Variants in RORA observed in about 807,000 individuals in gnomAD.
The protein encoded by RORA is nuclear receptor ROR-alpha.
Under a neutral mutation model 69.5 loss-of-function variants are expected in RORA, and 7 were observed. The ratio of observed to expected loss-of-function variants is 0.10; its 90% CI spans 0.06 to 0.19. The LOEUF is 0.19. RORA is among the 10% of genes least tolerant of loss of function. The probability of loss-of-function intolerance (pLI) is 1.00; values close to 1 mark genes in which losing one functional copy is unlikely to be tolerated. For missense variants in RORA, 457 were observed against 663.0 expected (o/e 0.69, Z 3.41); for synonymous variants, 261 against 240.8 (o/e 1.08, Z -0.78).
intron 1 of RORA, among the ~76,000 whole-genome samples, chr15:60,824,841 T>A (rs1244401753): frequency 6.6e-6 from 1 of 152,126 alleles, no homozygotes; most frequent in African/African-American, 2.4e-5. Flanking sequence ...AAAGACCACC[T>A]AAAATGAACT....
intron 1 of RORA, among the ~76,000 whole-genome samples, chr15:60,758,579 C>T (rs2071836037): frequency 6.6e-6 from 1 of 152,156 alleles, no homozygotes; most frequent in African/African-American, 2.4e-5. Context: ...TTTTCCTCTT[C>T]ACCTCCATGG....
intron 1 of RORA, among the ~76,000 whole-genome samples, chr15:61,139,004 C>T (rs1029136911): frequency 1.3e-5 from 2 of 151,832 alleles, no homozygotes; most frequent in African/African-American, 2.4e-5. Flanking sequence ...ATTAGCCAGG[C>T]GTGGTGGCGG....
intron 2 of RORA, among the ~76,000 whole-genome samples, chr15:60,585,074 T>C (rs2140497059): frequency 1.3e-5 from 2 of 152,092 alleles, no homozygotes; most frequent in Middle Eastern, 6.8e-3. Flanking sequence ...CTGGTTATTC[T>C]AGCTCAGATC....
At chr15:60,540,038 TAA>T (rs1166795606) in intron 2 of RORA, among the ~76,000 whole-genome samples, 12 of 152,238 alleles carry the variant, frequency 7.9e-5, no homozygotes, top group African/African-American at 2.9e-4. Context: ...TTTATTTTGC[TAA>T]GTGATTAGAC....
chr15:60,669,319 C>G (rs796186087), intron 2 of RORA, among the ~76,000 whole-genome samples: 2 of 138,740 alleles, frequency 1.4e-5, no homozygotes, highest in African/African-American at 2.7e-5. Flanking sequence ...GACCAGATCT[C>G]TCCTTCCCAA....
At chr15:61,175,646 G>C (rs1348754747) in intron 1 of RORA, among the ~76,000 whole-genome samples, 1 of 151,696 alleles carries the variant, frequency 6.6e-6, no homozygotes, top group Non-Finnish European at 1.5e-5. Flanking sequence ...GAGCCCGGGA[G>C]GTTGAGGCTG....
At chr15:60,668,729 AAG>A (rs1170105083) in intron 2 of RORA, among the ~76,000 whole-genome samples, 3 of 152,254 alleles carry the variant, frequency 2.0e-5, no homozygotes, top group Non-Finnish European at 4.4e-5. Flanking sequence ...GTGTAAGAGA[AAG>A]AGAGATAAAT....
chr15:60,873,492 CA>C (rs1188469793), intron 1 of RORA, among the ~76,000 whole-genome samples: 4 of 152,056 alleles, frequency 2.6e-5, no homozygotes, highest in Non-Finnish European at 5.9e-5. Flanking sequence ...CAAATACATT[CA>C]TATAACTTGT....
At chr15:61,013,046 G>T (rs1359333461) in intron 1 of RORA, among the ~76,000 whole-genome samples, 6 of 152,104 alleles carry the variant, frequency 3.9e-5, no homozygotes, top group Non-Finnish European at 8.8e-5. Context: ...ATCTTTCTGG[G>T]TACATGTCTT....
chr15:61,124,471 C>T (rs919235170), intron 1 of RORA, among the ~76,000 whole-genome samples: 1 of 152,170 alleles, frequency 6.6e-6, no homozygotes, highest in Admixed American at 6.5e-5. Flanking sequence ...TGTTGCTTCT[C>T]ATCAGGAAGC....
chr15:60,614,684 G>A (rs976770915), intron 2 of RORA, among the ~76,000 whole-genome samples: 9 of 152,166 alleles, frequency 5.9e-5, no homozygotes, highest in African/African-American at 2.2e-4. Flanking sequence ...GACAGAATAA[G>A]GTTCAAGCCC....
At chr15:61,080,348 T>G (rs150466891) in intron 1 of RORA, among the ~76,000 whole-genome samples, 1 of 152,150 alleles carries the variant, frequency 6.6e-6, no homozygotes, top group African/African-American at 2.4e-5. Context: ...CCTTTGAGAG[T>G]TCCTATTTTC....
chr15:60,562,905 C>T (rs960707348), intron 2 of RORA, among the ~76,000 whole-genome samples: 2 of 152,150 alleles, frequency 1.3e-5, no homozygotes, highest in Admixed American at 1.3e-4. Context: ...AATATAAATT[C>T]TTGGTAAACA....
At chr15:60,926,952 G>A (rs563269676) in intron 1 of RORA, among the ~76,000 whole-genome samples, 1 of 152,196 alleles carries the variant, frequency 6.6e-6, no homozygotes, top group African/African-American at 2.4e-5. Context: ...GAGATTTGGG[G>A]TAAATTTTCC....
At chr15:60,880,436 C>A (rs1260602327) in intron 1 of RORA, among the ~76,000 whole-genome samples, 1 of 152,154 alleles carries the variant, frequency 6.6e-6, no homozygotes, top group African/African-American at 2.4e-5. Flanking sequence ...GTCAGGAGAT[C>A]GAGACCGTCC....
chr15:60,815,419 C>T (rs1319230119), intron 1 of RORA, among the ~76,000 whole-genome samples: 2 of 152,100 alleles, frequency 1.3e-5, no homozygotes, highest in East Asian at 3.9e-4. Context: ...CAGCAGAGTC[C>T]TTAAAACAGC....
intron 1 of RORA, among the ~76,000 whole-genome samples, chr15:60,745,461 T>C (rs2071634104): frequency 6.6e-6 from 1 of 152,232 alleles, no homozygotes. Context: ...GCCGATTCTG[T>C]CTCTGGTCTG....
chr15:60,877,865 C>T (rs1317724185), intron 1 of RORA, among the ~76,000 whole-genome samples: 1 of 152,086 alleles, frequency 6.6e-6, no homozygotes, highest in Non-Finnish European at 1.5e-5. Flanking sequence ...GGTAAAATTG[C>T]CTAAATCATA....
At chr15:61,194,043 A>G (rs1017071433) in intron 1 of RORA, 2 of 152,222 alleles carry the variant, frequency 1.3e-5, no homozygotes, top group Non-Finnish European at 2.9e-5. Flanking sequence ...AGCAGGGCCA[A>G]GACTGATAAC....
Sources: gnomAD v4.1 joint callset for allele counts (sites outside exome capture counted in the v4.1 genomes callset) on GRCh38, gnomAD v4.1.1 for gene constraint, MANE v1.5 for transcripts, NCBI Gene and HGNC (gene_info 2026-07-23, HGNC 2026-07-21) for gene names.